AKAP19: variants seen among roughly 807,000 people sequenced by gnomAD.
AKAP19 encodes small A-kinase anchoring protein.
chr2:189,991,733 A>C, the AKAP19 span, among the ~76,000 whole-genome samples: 1 of 152,046 alleles, frequency 6.6e-6, no homozygotes, highest in African/African-American at 2.4e-5. Flanking sequence ...TGTTTTTGTC[A>C]CATTTGCTTT....
At chr2:189,966,207 T>G in the AKAP19 span, among the ~76,000 whole-genome samples, 22 of 133,600 alleles carry the variant, frequency 1.6e-4, no homozygotes, top group East Asian at 4.8e-4. Context: ...GAGAAGGGGG[T>G]GAGGGAAAAA....
the AKAP19 span, among the ~76,000 whole-genome samples, chr2:189,939,784 A>T: frequency 6.6e-6 from 1 of 152,246 alleles, no homozygotes; most frequent in African/African-American, 2.4e-5. Flanking sequence ...AAAATTCACT[A>T]GGAACTCTTA....
the AKAP19 span, among the ~76,000 whole-genome samples, chr2:190,166,697 A>G: frequency 6.6e-6 from 1 of 152,182 alleles, no homozygotes; most frequent in Non-Finnish European, 1.5e-5. Flanking sequence ...GGAAAAAAGC[A>G]TTAAAAAATC....
chr2:189,903,819 G>A, the AKAP19 span, among the ~76,000 whole-genome samples: 1 of 151,866 alleles, frequency 6.6e-6, no homozygotes, highest in Non-Finnish European at 1.5e-5. Flanking sequence ...GTAGTCCACA[G>A]TGTCTACTGT....
the AKAP19 span, among the ~76,000 whole-genome samples, chr2:190,070,825 A>T: frequency 6.6e-6 from 1 of 152,236 alleles, no homozygotes; most frequent in Admixed American, 6.5e-5. Context: ...GAGAAATCTG[A>T]TGGGAAGAAC....
chr2:189,885,877 C>T, the AKAP19 span, among the ~76,000 whole-genome samples: 1 of 152,038 alleles, frequency 6.6e-6, no homozygotes, highest in African/African-American at 2.4e-5. Flanking sequence ...GGTACAATCT[C>T]GGCTCACTGC....
chr2:190,059,881 G>T, the AKAP19 span, among the ~76,000 whole-genome samples: 1 of 151,960 alleles, frequency 6.6e-6, no homozygotes, highest in Non-Finnish European at 1.5e-5. Flanking sequence ...TATCAAGGGA[G>T]TGTTTCATAG....
At chr2:190,025,666 C>T in the AKAP19 span, among the ~76,000 whole-genome samples, 5 of 152,138 alleles carry the variant, frequency 3.3e-5, no homozygotes, top group African/African-American at 9.7e-5. Flanking sequence ...GCCATTTCTG[C>T]GCAATACCAG....
chr2:189,922,874 G>A, the AKAP19 span, among the ~76,000 whole-genome samples: 1 of 152,146 alleles, frequency 6.6e-6, no homozygotes, highest in Non-Finnish European at 1.5e-5. Context: ...CTTCTACTGG[G>A]TGCGGTGGCT....
At chr2:190,199,767 T>C in the AKAP19 span, 1 of 1,541,910 alleles carries the variant, frequency 6.5e-7, no homozygotes, top group Admixed American at 2.0e-5. Context: ...GGGAAAGCAC[T>C]GGTCAACATC....
the AKAP19 span, among the ~76,000 whole-genome samples, chr2:190,132,478 C>T: frequency 3.3e-5 from 5 of 152,210 alleles, no homozygotes; most frequent in South Asian, 6.2e-4. Context: ...AATAAATCCA[C>T]GCTTTTACAG....
chr2:190,046,849 TA>T, the AKAP19 span, among the ~76,000 whole-genome samples: 2 of 152,300 alleles, frequency 1.3e-5, no homozygotes, highest in South Asian at 2.1e-4. Flanking sequence ...TATCCCACAT[TA>T]AAAATATTTT....
chr2:190,000,192 T>C, the AKAP19 span, among the ~76,000 whole-genome samples: 1 of 152,198 alleles, frequency 6.6e-6, no homozygotes, highest in Non-Finnish European at 1.5e-5. Context: ...ACTAATTATA[T>C]TTCCTGGGAA....
At chr2:189,910,071 C>A in the AKAP19 span, among the ~76,000 whole-genome samples, 1 of 151,882 alleles carries the variant, frequency 6.6e-6, no homozygotes, top group Non-Finnish European at 1.5e-5. Context: ...AGCTTGATTT[C>A]ATTCAGTAAT....
At chr2:189,988,317 A>T in the AKAP19 span, among the ~76,000 whole-genome samples, 2 of 152,222 alleles carry the variant, frequency 1.3e-5, no homozygotes, top group Non-Finnish European at 2.9e-5. Context: ...CATACAAAGG[A>T]AGGGGAAGTT....
chr2:190,170,549 T>C, the AKAP19 span, among the ~76,000 whole-genome samples: 5 of 152,212 alleles, frequency 3.3e-5, no homozygotes, highest in South Asian at 2.1e-4. Context: ...TTAGTTTCCT[T>C]ATGTTTCTGT....
At chr2:189,897,726 T>C in the AKAP19 span, among the ~76,000 whole-genome samples, 91 of 152,332 alleles carry the variant, frequency 6.0e-4, no homozygotes, top group African/African-American at 2.0e-3. Context: ...GTTTTATATA[T>C]TTCTTGGGGC....
the AKAP19 span, among the ~76,000 whole-genome samples, chr2:189,884,947 G>A: frequency 1.9e-4 from 29 of 152,298 alleles, no homozygotes; most frequent in African/African-American, 6.5e-4. Context: ...GATTTTTAAT[G>A]CAAATATACA....
the AKAP19 span, among the ~76,000 whole-genome samples, chr2:189,955,273 C>G: frequency 2.0e-5 from 3 of 152,060 alleles, no homozygotes; most frequent in African/African-American, 7.2e-5. Flanking sequence ...GACGTTCTTT[C>G]TTTCTTGTTT....
Sources: gnomAD v4.1 joint callset for allele counts (sites outside exome capture counted in the v4.1 genomes callset) on GRCh38, gnomAD v4.1.1 for gene constraint, MANE v1.5 for transcripts, NCBI Gene and HGNC (gene_info 2026-07-23, HGNC 2026-07-21) for gene names.